The following GRID2 variants were observed in gnomAD, a reference collection of about 807,000 sequenced individuals.
GRID2 encodes glutamate ionotropic receptor delta type subunit 2.
Under a neutral mutation model 114.8 loss-of-function variants are expected in GRID2, and 33 were observed. That is an observed-to-expected ratio of 0.29 (90% CI 0.22 to 0.38). GRID2 has a LOEUF of 0.38. Among genes scored for constraint, GRID2 ranks in the 10% least tolerant of loss-of-function variants. The pLI is 1.00. For missense variants in GRID2, 1,184 were observed against 1,257.7 expected (o/e 0.94, Z 0.89); for synonymous variants, 505 against 449.9 (o/e 1.12, Z -1.55).
At chr4:92,925,090 A>T (rs571942099) in intron 2 of GRID2, among the ~76,000 whole-genome samples, 1 of 152,112 alleles carries the variant, frequency 6.6e-6, no homozygotes, top group Non-Finnish European at 1.5e-5. Context: ...TCTTTGCTCA[A>T]CTAGGTTAGT....
intron 1 of GRID2, among the ~76,000 whole-genome samples, chr4:92,481,833 G>A (rs1722603718): frequency 6.6e-6 from 1 of 151,280 alleles, no homozygotes; most frequent in South Asian, 2.1e-4. Context: ...TTCAATCCAT[G>A]AGCTTAGAAA....
At chr4:92,681,166 A>T (rs1029981846) in intron 2 of GRID2, among the ~76,000 whole-genome samples, 7 of 152,184 alleles carry the variant, frequency 4.6e-5, no homozygotes, top group Admixed American at 1.3e-4. Flanking sequence ...CATATTCTAT[A>T]TATGGATTTA....
intron 2 of GRID2, among the ~76,000 whole-genome samples, chr4:92,924,399 T>C (rs1169833294): frequency 6.6e-6 from 1 of 150,686 alleles, no homozygotes; most frequent in African/African-American, 2.4e-5. Flanking sequence ...TAAAGTATAA[T>C]TAAAAAAAAA....
At chr4:93,592,626 C>T (rs1341698648) in intron 13 of GRID2, among the ~76,000 whole-genome samples, 3 of 152,070 alleles carry the variant, frequency 2.0e-5, no homozygotes, top group African/African-American at 7.2e-5. Context: ...GACTTTCTGT[C>T]TCGTTGATCT....
intron 2 of GRID2, chr4:92,834,022 G>GT (rs975471718): frequency 6.6e-6 from 1 of 152,076 alleles, no homozygotes; most frequent in Non-Finnish European, 1.5e-5. Context: ...TCCCAAATTC[G>GT]TTTTTTTAGC....
intron 14 of GRID2, among the ~76,000 whole-genome samples, chr4:93,686,573 A>G (rs776444217): frequency 3.9e-5 from 6 of 152,026 alleles, no homozygotes; most frequent in Non-Finnish European, 8.8e-5. Flanking sequence ...CAAGTCCCAT[A>G]AAAAAATACA....
intron 1 of GRID2, among the ~76,000 whole-genome samples, chr4:92,431,406 C>T (rs181147903): frequency 7.9e-5 from 12 of 152,140 alleles, no homozygotes; most frequent in Admixed American, 2.0e-4. Context: ...TGTATCACAT[C>T]GATTTGCAAA....
At chr4:93,699,321 C>T (rs1727306676) in intron 14 of GRID2, among the ~76,000 whole-genome samples, 2 of 151,892 alleles carry the variant, frequency 1.3e-5, no homozygotes, top group South Asian at 4.1e-4. Flanking sequence ...AATGTAACCC[C>T]AATTAACCTT....
At chr4:92,728,028 T>C (rs1174242698) in intron 2 of GRID2, among the ~76,000 whole-genome samples, 2 of 152,024 alleles carry the variant, frequency 1.3e-5, no homozygotes, top group African/African-American at 4.8e-5. Flanking sequence ...CTTGGTTTAA[T>C]TTGTGATTAA....
rs200394377 is a variant in GRID2 at position 92,590,970 on chromosome 4, G to C, written c.244+684G>C. On this transcript the variant is annotated intron_variant, in intron 2 of 15. Coordinates refer to ENST00000282020, the MANE Select transcript of GRID2 (RefSeq NM_001510.4). ...TGGAATTTTCTGTTTGCTTCTATTA[G>C]TCTAATTAAACATTTAGCCTTGATC... Among the ~76,000 whole-genome samples the C allele has an allele frequency of 4.6e-5, 7 of 152,050 alleles. No homozygotes were observed. The East Asian group carries it at 1.2e-3, about 25-fold the overall frequency.
chr4:92,708,854 T>A (rs912265845), intron 2 of GRID2, among the ~76,000 whole-genome samples: 2 of 151,904 alleles, frequency 1.3e-5, no homozygotes, highest in African/African-American at 2.4e-5. Flanking sequence ...GCGGCGGAGG[T>A]TGCAGTGAGC....
At chr4:93,257,623 A>T (rs897933209) in intron 8 of GRID2, among the ~76,000 whole-genome samples, 2 of 151,676 alleles carry the variant, frequency 1.3e-5, no homozygotes, top group African/African-American at 4.8e-5. Context: ...TTTATCAAAA[A>T]GAAGTATCAT....
At chr4:93,418,044 T>C (rs904836344) in intron 9 of GRID2, among the ~76,000 whole-genome samples, 1 of 150,884 alleles carries the variant, frequency 6.6e-6, no homozygotes, top group African/African-American at 2.4e-5. Context: ...TAAAACCAAG[T>C]AATATTAACT....
At chr4:92,480,855 C>T (rs922106083) in intron 1 of GRID2, among the ~76,000 whole-genome samples, 3 of 152,164 alleles carry the variant, frequency 2.0e-5, no homozygotes, top group African/African-American at 4.8e-5. Flanking sequence ...CCTATTTCAT[C>T]TGCTACCTGT....
intron 1 of GRID2, among the ~76,000 whole-genome samples, chr4:92,483,803 A>T (rs1301488865): frequency 1.3e-5 from 2 of 152,182 alleles, no homozygotes; most frequent in Non-Finnish European, 2.9e-5. Flanking sequence ...ACAGAAAAAA[A>T]TTAAAATGCC....
At chr4:92,561,883 G>A (rs1727120175) in intron 1 of GRID2, among the ~76,000 whole-genome samples, 1 of 152,102 alleles carries the variant, frequency 6.6e-6, no homozygotes, top group South Asian at 2.1e-4. Context: ...TACTGCTAAT[G>A]CATGTCAGAA....
intron 1 of GRID2, among the ~76,000 whole-genome samples, chr4:92,472,409 A>G (rs1240314870): frequency 6.6e-6 from 1 of 152,136 alleles, no homozygotes; most frequent in Non-Finnish European, 1.5e-5. Context: ...TTAAGTCTGT[A>G]TAGGAACATA....
chr4:93,554,040 G>A (rs1255115579), intron 13 of GRID2, among the ~76,000 whole-genome samples: 1 of 152,138 alleles, frequency 6.6e-6, no homozygotes, highest in Non-Finnish European at 1.5e-5. Context: ...AACAAAATGT[G>A]TTTGGACCTA....
At chr4:93,037,121 A>T (rs1188093479) in intron 2 of GRID2, among the ~76,000 whole-genome samples, 1 of 152,150 alleles carries the variant, frequency 6.6e-6, no homozygotes, top group East Asian at 1.9e-4. Context: ...GAAGATCAGC[A>T]CATTTTTGAA....
Sources: allele counts gnomAD v4.1 joint callset (sites outside exome capture counted in the v4.1 genomes callset), GRCh38; gene constraint gnomAD v4.1.1; transcripts MANE v1.5; gene names NCBI Gene and HGNC (gene_info 2026-07-23, HGNC 2026-07-21).